The following SGMS1 variants were observed in gnomAD, a reference collection of about 807,000 sequenced individuals.
SGMS1 encodes the protein sphingomyelin synthase 1.
Under a neutral mutation model 46.2 loss-of-function variants are expected in SGMS1, and 13 were observed. The observed-to-expected ratio is 0.28, with a 90% CI of 0.18 to 0.45. The LOEUF (loss-of-function observed/expected upper bound fraction) is 0.45. Ranked by LOEUF, SGMS1 falls within the 20% of genes least tolerant of loss-of-function variation. The pLI is 1.00. For synonymous variants in SGMS1, 203 were observed against 187.8 expected, an observed-to-expected ratio of 1.08 and a Z score of -0.66; for missense variants, 324 against 519.9, an observed-to-expected ratio of 0.62 and a Z score of 3.66.
chr10:50,393,904 C>A (rs1382277721), intron 6 of SGMS1, among the ~76,000 whole-genome samples: 1 of 152,162 alleles, frequency 6.6e-6, no homozygotes, highest in Non-Finnish European at 1.5e-5. Flanking sequence ...TCGTGCAAGT[C>A]CTAGGGACAC....
intron 2 of SGMS1, among the ~76,000 whole-genome samples, chr10:50,565,150 G>T (rs1336616049): frequency 6.6e-6 from 1 of 152,018 alleles, no homozygotes; most frequent in Non-Finnish European, 1.5e-5. Context: ...ACATATCATT[G>T]CCTACCTTTC....
At chr10:50,477,643 G>C (rs913350533) in intron 3 of SGMS1, among the ~76,000 whole-genome samples, 1 of 152,172 alleles carries the variant, frequency 6.6e-6, no homozygotes, top group Non-Finnish European at 1.5e-5. Flanking sequence ...CCCAGTGTTG[G>C]AGGTGGGGCC....
Position 50,623,819 on chromosome 10 carries a change from C to A in SGMS1, c.-796G>T. 1.0e-6 allele frequency: 1 copy of A among 985,420 alleles called. No individual in the cohort carries two copies. The highest frequency in any genetic ancestry group is 1.2e-6 in the Non-Finnish European group (1 of 829,940). The allele number at this position is 985,420 out of a possible 1,614,324, so 61.0% of individuals were successfully genotyped here. On this transcript the variant is annotated 5_prime_UTR_variant, in exon 1 of 11. Coordinates refer to ENST00000361781, the MANE Select transcript of SGMS1 (RefSeq NM_147156.4). Reference sequence around the variant, plus strand: ...CCGCACCCCAATCGCGCTCTCCGACCGGCTCCCTAGGCGCGAGGGGAGAGC... The same window carrying A: ...CCGCACCCCAATCGCGCTCTCCGACAGGCTCCCTAGGCGCGAGGGGAGAGC...
At chr10:50,584,498 C>CAA (rs751224205) in intron 2 of SGMS1, among the ~76,000 whole-genome samples, 113 of 69,050 alleles carry the variant, frequency 1.6e-3, no homozygotes, top group African/African-American at 2.1e-3. Flanking sequence ...GACTCCATCT[C>CAA]AAAAAAAAAA....
intron 6 of SGMS1, among the ~76,000 whole-genome samples, chr10:50,353,428 G>A (rs1848062076): frequency 6.6e-6 from 1 of 152,298 alleles, no homozygotes; most frequent in Non-Finnish European, 1.5e-5. Context: ...AGGTATTGAT[G>A]GGATGTATCT....
At chr10:50,427,544 A>G (rs1203375) in intron 6 of SGMS1, among the ~76,000 whole-genome samples, 33,177 of 152,216 alleles carry the variant, frequency 0.22, 3,877 homozygotes, top group Non-Finnish European at 0.27. Flanking sequence ...GGCACAGTAA[A>G]TACAAGCTAA....
intron 2 of SGMS1, among the ~76,000 whole-genome samples, chr10:50,576,306 C>T (rs919670833): frequency 6.6e-6 from 1 of 152,168 alleles, no homozygotes; most frequent in African/African-American, 2.4e-5. Flanking sequence ...ATAACTGTGA[C>T]CTCCACACAG....
At chr10:50,425,828 C>T (rs1277351176) in intron 6 of SGMS1, among the ~76,000 whole-genome samples, 2 of 152,220 alleles carry the variant, frequency 1.3e-5, no homozygotes, top group Non-Finnish European at 2.9e-5. Flanking sequence ...TGACATTTCT[C>T]ATTACATTAA....
chr10:50,468,896 T>C (rs1837354799), intron 3 of SGMS1, among the ~76,000 whole-genome samples: 2 of 152,208 alleles, frequency 1.3e-5, no homozygotes, highest in African/African-American at 4.8e-5. Flanking sequence ...CAAAGTAGTA[T>C]CTCAGTGACA....
At chr10:50,524,088 C>T (rs946085155) in intron 2 of SGMS1, among the ~76,000 whole-genome samples, 37 of 152,212 alleles carry the variant, frequency 2.4e-4, no homozygotes, top group Non-Finnish European at 4.3e-4. Context: ...TACTTCAGGT[C>T]CCCTAGATCT....
chr10:50,578,779 AC>A (rs756357410), intron 2 of SGMS1, among the ~76,000 whole-genome samples: 5 of 152,250 alleles, frequency 3.3e-5, no homozygotes, highest in Admixed American at 6.5e-5. Context: ...CCCTCCTAAA[AC>A]CCCAACACCA....
intron 1 of SGMS1, among the ~76,000 whole-genome samples, chr10:50,609,823 C>G (rs1838732976): frequency 6.6e-6 from 1 of 152,044 alleles, no homozygotes. Context: ...AAGCTACCCT[C>G]TAGACCCTTA....
At chr10:50,565,291 A>C (rs1393300732) in intron 2 of SGMS1, among the ~76,000 whole-genome samples, 1 of 152,174 alleles carries the variant, frequency 6.6e-6, no homozygotes, top group Non-Finnish European at 1.5e-5. Flanking sequence ...AAAAAAATAA[A>C]AAATATATAT....
intron 2 of SGMS1, among the ~76,000 whole-genome samples, chr10:50,551,966 T>A (rs1166728054): frequency 6.6e-6 from 1 of 152,180 alleles, no homozygotes; most frequent in Non-Finnish European, 1.5e-5. Flanking sequence ...AAGCTCAGAT[T>A]TTTTAAGCCC....
intron 6 of SGMS1, among the ~76,000 whole-genome samples, chr10:50,354,039 C>T (rs1252384262): frequency 6.6e-6 from 1 of 151,622 alleles, no homozygotes; most frequent in Non-Finnish European, 1.5e-5. Flanking sequence ...AGATTCAATG[C>T]CATCCCCATC....
chr10:50,606,738 G>C (rs1838700440), intron 1 of SGMS1, among the ~76,000 whole-genome samples: 1 of 152,124 alleles, frequency 6.6e-6, no homozygotes, highest in Admixed American at 6.6e-5. Context: ...GCATCACCGT[G>C]TAAGTAAACA....
intron 3 of SGMS1, among the ~76,000 whole-genome samples, chr10:50,475,552 C>G (rs1166236590): frequency 6.6e-6 from 1 of 152,114 alleles, no homozygotes; most frequent in Non-Finnish European, 1.5e-5. Flanking sequence ...AATAACTGGT[C>G]CATGTTATTT....
chr10:50,527,022 G>A (rs1212587052), intron 2 of SGMS1, among the ~76,000 whole-genome samples: 2 of 133,222 alleles, frequency 1.5e-5, no homozygotes, highest in Admixed American at 8.7e-5. Context: ...CCGAGATATC[G>A]CCACTGCACT....
rs1702594739 is a variant in SGMS1 at position 50,381,227 on chromosome 10, C to T, written c.-231-36882G>A. Among the ~76,000 whole-genome samples, 5 of 151,112 alleles carry T rather than the reference C, an allele frequency of 3.3e-5. No individual in the cohort carries two copies. In the South Asian group the frequency reaches 8.3e-4, roughly 25 times the overall value. On this transcript the variant is annotated intron_variant, in intron 6 of 10. Coordinates refer to ENST00000361781, the MANE Select transcript of SGMS1 (RefSeq NM_147156.4). ...GAATTTAAAAAGGGTTTGCCTGAGT[C>T]CCATGGTATATGAAAAAGTGATCGT...
Sources: allele counts gnomAD v4.1 joint callset (sites outside exome capture counted in the v4.1 genomes callset), GRCh38; gene constraint gnomAD v4.1.1; transcripts MANE v1.5; gene names NCBI Gene and HGNC (gene_info 2026-07-23, HGNC 2026-07-21).